Variants in SYTL5 observed in about 807,000 individuals in gnomAD.
SYTL5 encodes the protein synaptotagmin-like protein 5.
In SYTL5, 34 loss-of-function variants were observed where a neutral mutation model predicts 55.9. The observed-to-expected ratio is 0.61, with a 90% CI of 0.46 to 0.81. SYTL5 has a LOEUF of 0.81. Ranked by LOEUF, SYTL5 falls within the 30% of genes least tolerant of loss-of-function variation. SYTL5 has a pLI of 0.00. For missense variants in SYTL5, 637 were observed against 546.7 expected (o/e 1.17, Z -1.65); for synonymous variants, 221 against 188.7 (o/e 1.17, Z -1.40).
chrX:38,024,360 T>TGGAAGG (rs1934680297), intron 1 of SYTL5, among the ~76,000 whole-genome samples: 1 of 111,303 alleles, frequency 9.0e-6, no homozygotes, highest in Admixed American at 9.5e-5. Context: ...TCCTTTGCCT[T>TGGAAGG]CCACCATGAT....
chrX:38,026,311 C>G (rs1934773274), intron 1 of SYTL5, among the ~76,000 whole-genome samples: 1 of 111,515 alleles, frequency 9.0e-6, no homozygotes, highest in Non-Finnish European at 1.9e-5. Context: ...TTCTATCTTA[C>G]TAAATTTATA....
the SYTL5 span, among the ~76,000 whole-genome samples, chrX:37,919,376 G>A: frequency 1.9e-3 from 208 of 111,776 alleles, 1 homozygote; most frequent in African/African-American, 6.3e-3. Context: ...CTAAAGCTGA[G>A]TAAAAGGTTA....
At chrX:37,890,359 T>C in the SYTL5 span, among the ~76,000 whole-genome samples, 7 of 111,904 alleles carry the variant, frequency 6.3e-5, no homozygotes, top group Non-Finnish European at 1.1e-4. Flanking sequence ...TTAAAAGAAG[T>C]TAATCACTTC....
chrX:37,905,573 A>G, the SYTL5 span, among the ~76,000 whole-genome samples: 3 of 110,767 alleles, frequency 2.7e-5, no homozygotes, highest in South Asian at 7.9e-4. Flanking sequence ...CGGAGCCACC[A>G]CAAGGTGGAG....
chrX:37,890,718 G>A, the SYTL5 span, among the ~76,000 whole-genome samples: 1 of 112,333 alleles, frequency 8.9e-6, no homozygotes, highest in Non-Finnish European at 1.9e-5. Flanking sequence ...ACACACTCCA[G>A]TTGAAAATGG....
chrX:38,121,275 C>A (rs1334786441), intron 14 of SYTL5, among the ~76,000 whole-genome samples: 1 of 111,857 alleles, frequency 8.9e-6, no homozygotes, highest in Non-Finnish European at 1.9e-5. Flanking sequence ...GTGGGGATTA[C>A]ATTTCAACAT....
Position 38,061,477 on chromosome X carries a change from A to G in SYTL5, c.329+7055A>G, listed in dbSNP as rs191193156. Among the ~76,000 whole-genome samples, 6 of 111,857 alleles carry G rather than the reference A, an allele frequency of 5.4e-5. No homozygotes were observed. In the East Asian group the frequency reaches 1.7e-3, roughly 31 times the overall value. On this transcript the variant is annotated intron_variant, in intron 3 of 16. Transcript: ENST00000297875. ...CTGTCTCTATATTTAATAGACCATAAAATTGAAATTCCCACCCTGACCTCT... is the reference window on the plus strand; with the variant it reads ...CTGTCTCTATATTTAATAGACCATAGAATTGAAATTCCCACCCTGACCTCT...
In SYTL5 at chrX:38,102,426, C is replaced by T. The variant is rs373848830; in HGVS notation, c.1147C>T (p.Leu383=). 127 of 1,189,646 alleles carry T rather than the reference C, an allele frequency of 1.1e-4. No individual in the cohort carries two copies. Among genetic ancestry groups the T allele is most frequent in the Non-Finnish European group, 1.3e-4 (118 of 877,130 alleles). ...STNTHRLASG[L]STTSLNSMMS... ...AAACACTCACCGTCTGGCAAGTGGC[C>T]TATCAACTGTAAGCAGTTCACTAGG... Residue 383 remains leucine, a synonymous_variant, in exon 10 of 17, where the codon CTA becomes TTA. Coordinates refer to ENST00000297875, the MANE Select transcript of SYTL5 (RefSeq NM_138780.3).
At chrX:38,051,771 C>T (rs1935631242) in intron 2 of SYTL5, among the ~76,000 whole-genome samples, 1 of 111,403 alleles carries the variant, frequency 9.0e-6, no homozygotes, top group Non-Finnish European at 1.9e-5. Flanking sequence ...ATTACCATTT[C>T]TCCATATGAA....
intron 13 of SYTL5, among the ~76,000 whole-genome samples, chrX:38,113,531 G>A (rs976018909): frequency 3.6e-5 from 4 of 111,133 alleles, no homozygotes; most frequent in African/African-American, 1.3e-4. Flanking sequence ...TCAGAAAGCA[G>A]GAGGTGGTGG....
intron 6 of SYTL5, among the ~76,000 whole-genome samples, chrX:38,077,095 T>C (rs1936410372): frequency 8.9e-6 from 1 of 111,972 alleles, no homozygotes; most frequent in Admixed American, 9.5e-5. Flanking sequence ...ATTTTAAATT[T>C]GAATTTCCTC....
intron 10 of SYTL5, 54 bp from the exon 11 acceptor site, chrX:38,106,539 T>C (rs1937214197): frequency 9.7e-7 from 1 of 1,030,871 alleles, no homozygotes; most frequent in South Asian, 2.6e-5. Context: ...GTTGATTCTG[T>C]GAAGAGATCA....
chrX:38,022,864 G>A lies in SYTL5; in HGVS notation c.-356-10670G>A, dbSNP rs6610951. On this transcript the variant is annotated intron_variant, in intron 1 of 16. Transcript: ENST00000297875. ...GGAATTAGGAGATGGAGAAATGGGG[G>A]AAGTATCCCAGGCAGAGTCTTACAA... 2.5e-4 allele frequency among the ~76,000 whole-genome samples: 28 copies of A among 111,768 alleles called. 1 individual carries two copies. The East Asian group carries it at 7.6e-3, about 30-fold the overall frequency.
At chrX:38,051,259 A>G (rs775975946) in intron 2 of SYTL5, among the ~76,000 whole-genome samples, 34 of 111,950 alleles carry the variant, frequency 3.0e-4, no homozygotes, top group African/African-American at 1.0e-3. Flanking sequence ...AAAGAGGTAT[A>G]AATTTCATTA....
At chrX:37,998,061 G>T in the SYTL5 span, among the ~76,000 whole-genome samples, 1 of 111,957 alleles carries the variant, frequency 8.9e-6, no homozygotes, top group Non-Finnish European at 1.9e-5. Context: ...TCTCCTCTCT[G>T]CTAGGAGCTG....
the SYTL5 span, among the ~76,000 whole-genome samples, chrX:37,902,984 T>A: frequency 1.1e-3 from 126 of 111,622 alleles, no homozygotes; most frequent in African/African-American, 4.0e-3. Context: ...GAAATGCAAA[T>A]CAAAACCACA....
chrX:38,031,336 C>T (rs910305307), intron 1 of SYTL5, among the ~76,000 whole-genome samples: 6 of 111,620 alleles, frequency 5.4e-5, no homozygotes, highest in Admixed American at 9.5e-5. Context: ...TAAACTCTCA[C>T]AGGGCAATTT....
At chrX:37,967,201 G>C in the SYTL5 span, among the ~76,000 whole-genome samples, 1 of 110,948 alleles carries the variant, frequency 9.0e-6, no homozygotes, top group African/African-American at 3.3e-5. Context: ...ACAGGCACCC[G>C]CCACCATGAC....
At chrX:38,058,492 G>T (rs1389656602) in intron 3 of SYTL5, among the ~76,000 whole-genome samples, 1 of 109,996 alleles carries the variant, frequency 9.1e-6, no homozygotes, top group Non-Finnish European at 1.9e-5. Flanking sequence ...TTCCTTTAGT[G>T]TGGCTTTGCT....
Sources: allele counts gnomAD v4.1 joint callset (sites outside exome capture counted in the v4.1 genomes callset), GRCh38; gene constraint gnomAD v4.1.1; transcripts MANE v1.5; gene names NCBI Gene and HGNC (gene_info 2026-07-23, HGNC 2026-07-21).